ATXN7: variants seen among roughly 807,000 people sequenced by gnomAD.
The protein encoded by ATXN7 is ataxin 7.
ATXN7 carries 12 observed loss-of-function variants against 70.5 expected under a neutral mutation model. That is an observed-to-expected ratio of 0.17 (90% CI 0.11 to 0.28). The LOEUF (loss-of-function observed/expected upper bound fraction) is 0.28, where lower values mean the gene tolerates loss of function less well. Among genes scored for constraint, ATXN7 ranks in the 10% least tolerant of loss-of-function variants. ATXN7 has a pLI of 1.00. For synonymous variants in ATXN7, 498 were observed against 448.7 expected (o/e 1.11, Z -1.39); for missense variants, 1,256 against 1,131.7 (o/e 1.11, Z -1.58).
chr3:63,987,057 G>A (rs896673690), intron 8 of ATXN7, among the ~76,000 whole-genome samples: 65 of 152,264 alleles, frequency 4.3e-4, no homozygotes, highest in African/African-American at 1.5e-3. Flanking sequence ...AGTATGGAAT[G>A]GTCAGGTTTA....
Position 64,003,077 on chromosome 3 carries a change from ATTC to A in ATXN7, c.*3613_*3615del. The A allele has an allele frequency of 6.6e-6, 1 of 152,180 alleles. No homozygotes were observed. Among genetic ancestry groups the A allele is most frequent in the Non-Finnish European group, 1.5e-5 (1 of 68,028 alleles). 9.4% of individuals were successfully genotyped at this position (152,180 alleles called of 1,614,324 possible). A position where few individuals can be genotyped will look rare whatever the true frequency, so the allele number is the denominator to read the frequency against. On this transcript the variant is annotated 3_prime_UTR_variant, in exon 13 of 13. Transcript: ENST00000674280. Reference sequence around the variant, plus strand: ...TGGGGCGATTGGGCTTTGAAAAAATATTCTTAAAAGTTTGTTTAGCAGAAAATA... The same window carrying A: ...TGGGGCGATTGGGCTTTGAAAAAATATTAAAAGTTTGTTTAGCAGAAAATA...
At chr3:63,954,511 T>C (rs1442588925) in intron 5 of ATXN7, among the ~76,000 whole-genome samples, 2 of 152,112 alleles carry the variant, frequency 1.3e-5, no homozygotes, top group Non-Finnish European at 2.9e-5. Flanking sequence ...TGAGGACCTG[T>C]TGCAGATTTT....
Position 63,912,718 on chromosome 3 carries a change from G to A in ATXN7, c.120G>A (p.Pro40=), listed in dbSNP as rs1392036586. ...QQQQQQQQQQ[P]PPPQPQRQQH... ...AGCAGCAGCAGCAGCAGCAGCAGCC[G>A]CCGCCTCCGCAGCCCCAGCGGCAGC... The change falls in exon 3 of 13, where the codon CCG becomes CCA. Residue 40 remains proline, a synonymous_variant. Transcript: ENST00000674280. 3 of 1,227,144 alleles carry A rather than the reference G, an allele frequency of 2.4e-6. No homozygotes were observed. The highest frequency in any genetic ancestry group is 3.1e-6 in the Non-Finnish European group (3 of 973,590). 76.0% of individuals were successfully genotyped at this position (1,227,144 alleles called of 1,614,324 possible).
intron 1 of ATXN7, among the ~76,000 whole-genome samples, chr3:63,887,859 C>T (rs1020303465): frequency 1.3e-5 from 2 of 151,122 alleles, no homozygotes; most frequent in African/African-American, 4.9e-5. Context: ...AGATGTGTAT[C>T]GCTGTCCTCA....
At chr3:63,864,463 G>C (rs893502603) in intron 1 of ATXN7, 3 of 152,026 alleles carry the variant, frequency 2.0e-5, no homozygotes, top group African/African-American at 7.2e-5. Context: ...CTTGCGCGGG[G>C]CGCGGCCGGC....
At chr3:63,947,938 G>A (rs1040081898) in intron 4 of ATXN7, among the ~76,000 whole-genome samples, 2 of 152,134 alleles carry the variant, frequency 1.3e-5, no homozygotes, top group Admixed American at 6.5e-5. Flanking sequence ...GAGGATGAGA[G>A]GGAAGTGCAG....
intron 4 of ATXN7, among the ~76,000 whole-genome samples, chr3:63,914,224 G>C (rs1376380185): frequency 6.6e-6 from 1 of 152,182 alleles, no homozygotes; most frequent in African/African-American, 2.4e-5. Context: ...TAAGTCCAAA[G>C]TTTGCCCATT....
At chr3:63,995,213 A>G (rs955927371) in intron 11 of ATXN7, among the ~76,000 whole-genome samples, 8 of 152,018 alleles carry the variant, frequency 5.3e-5, no homozygotes, top group African/African-American at 1.9e-4. Flanking sequence ...CTCAGAATAT[A>G]AGGAAGTACA....
chr3:63,886,641 A>G (rs1257657164), intron 1 of ATXN7, among the ~76,000 whole-genome samples: 1 of 152,220 alleles, frequency 6.6e-6, no homozygotes, highest in Non-Finnish European at 1.5e-5. Context: ...AACTCTCTGT[A>G]TAATCTTTGC....
At chr3:63,992,832 A>G (rs1260146051) in intron 11 of ATXN7, among the ~76,000 whole-genome samples, 1 of 152,144 alleles carries the variant, frequency 6.6e-6, no homozygotes, top group Non-Finnish European at 1.5e-5. Flanking sequence ...GCAGAGGGGA[A>G]CTTGGTGCAT....
chr3:63,952,269 G>C (rs900079396), intron 4 of ATXN7, 110 bp from the exon 5 acceptor site: 1 of 642,318 alleles, frequency 1.6e-6, no homozygotes, highest in Non-Finnish European at 2.6e-6. Context: ...CAGTTCATTT[G>C]TCCTGGTATA....
chr3:63,866,648 A>G (rs376089725), intron 1 of ATXN7, among the ~76,000 whole-genome samples: 11 of 152,206 alleles, frequency 7.2e-5, no homozygotes, highest in East Asian at 3.9e-4. Context: ...TTTACTTGCA[A>G]TTGCATTGAC....
At chr3:63,896,680 A>T (rs1428099864) in intron 1 of ATXN7, among the ~76,000 whole-genome samples, 1 of 152,196 alleles carries the variant, frequency 6.6e-6, no homozygotes, top group Non-Finnish European at 1.5e-5. Context: ...ATACTAAAGA[A>T]AGGCTCTTGA....
chr3:63,992,062 C>T (rs1173214429), intron 11 of ATXN7, among the ~76,000 whole-genome samples: 1 of 152,140 alleles, frequency 6.6e-6, no homozygotes, highest in Non-Finnish European at 1.5e-5. Context: ...CCAGGCCATC[C>T]CAGATCCTCT....
intron 4 of ATXN7, among the ~76,000 whole-genome samples, chr3:63,950,493 AT>A (rs879853593): frequency 1.3e-5 from 2 of 152,162 alleles, no homozygotes; most frequent in African/African-American, 2.4e-5. Flanking sequence ...CATTAATGAA[AT>A]TGTTCATTTG....
chr3:63,975,884 G>T (rs1003031976), intron 5 of ATXN7, among the ~76,000 whole-genome samples: 1 of 152,178 alleles, frequency 6.6e-6, no homozygotes, highest in African/African-American at 2.4e-5. Context: ...ACTTAGGCAT[G>T]TTTGTCTTTC....
In ATXN7 at chr3:63,940,285, TCACACACACA is replaced by T. The variant is rs34660611; in HGVS notation, c.395-12061_395-12052del. Reference sequence around the variant, plus strand: ...GCTGGAGCATTGAGGCCATGCCCCATCACACACACACACACACACACACACACACACACAC... The same window carrying T: ...GCTGGAGCATTGAGGCCATGCCCCATCACACACACACACACACACACACAC... On this transcript the variant is annotated intron_variant, in intron 4 of 12. Coordinates refer to ENST00000674280, the MANE Select transcript of ATXN7 (RefSeq NM_001377405.1). Among the ~76,000 whole-genome samples, 345 of 141,518 alleles carry T rather than the reference TCACACACACA, an allele frequency of 2.4e-3. 2 individuals carry two copies. Among genetic ancestry groups the T allele is most frequent in the Middle Eastern group, 0.014 (4 of 280 alleles). 92.8% of individuals were successfully genotyped at this position (141,518 alleles called of 152,430 possible). A position where few individuals can be genotyped will look rare whatever the true frequency, so the allele number is the denominator to read the frequency against.
chr3:63,887,076 A>G (rs1703110025), intron 1 of ATXN7, among the ~76,000 whole-genome samples: 1 of 152,214 alleles, frequency 6.6e-6, no homozygotes, highest in East Asian at 1.9e-4. Context: ...TTGCATCACC[A>G]TAGAAAGGAG....
At position 63,912,735 on chromosome 3, in the gene ATXN7, A is replaced by G; in HGVS notation, c.137A>G (p.Gln46Arg). 1.6e-6 allele frequency: 2 copies of G among 1,270,310 alleles called. No individual in the cohort carries two copies. The highest frequency in any genetic ancestry group is 2.0e-6 in the Non-Finnish European group (2 of 1,002,760). The allele number at this position is 1,270,310 out of a possible 1,614,324, so 78.7% of individuals were successfully genotyped here. A position where few individuals can be genotyped will look rare whatever the true frequency, so the allele number is the denominator to read the frequency against. The change falls in exon 3 of 13, where the codon CAG becomes CGG. Residue 46 changes from glutamine (Q) to arginine (R), a missense_variant. By Grantham distance (43) the Gln-to-Arg change is conservative. Transcript: ENST00000674280. ...CAGCAGCCGCCGCCTCCGCAGCCCC[A>G]GCGGCAGCAGCACCCGCCACCGCCG... The part of the protein sequence containing the change: ...QQQQPPPPQP[Q>R]RQQHPPPPPR...
Sources: gnomAD v4.1 joint callset for allele counts (sites outside exome capture counted in the v4.1 genomes callset) on GRCh38, gnomAD v4.1.1 for gene constraint, MANE v1.5 for transcripts, NCBI Gene and HGNC (gene_info 2026-07-23, HGNC 2026-07-21) for gene names.